The following MAP4 variants were observed in gnomAD, a reference collection of about 807,000 sequenced individuals.
MAP4 encodes the protein microtubule associated protein 4.
A neutral mutation model predicts 170.2 loss-of-function variants in MAP4; 76 were observed. That is an observed-to-expected ratio of 0.45 (90% confidence interval 0.37 to 0.54). MAP4 has a LOEUF of 0.54. Ranked by LOEUF, MAP4 falls within the 20% of genes least tolerant of loss-of-function variation. MAP4 has a pLI of 0.00. For missense variants in MAP4, 2,506 were observed against 2,748.0 expected, an observed-to-expected ratio of 0.91 and a Z score of 1.97; for synonymous variants, 909 against 994.5, an observed-to-expected ratio of 0.91 and a Z score of 1.62.
At chr3:48,086,683 G>A (rs1420622058) in intron 1 of MAP4, among the ~76,000 whole-genome samples, 1 of 152,156 alleles carries the variant, frequency 6.6e-6, no homozygotes, top group African/African-American at 2.4e-5. Flanking sequence ...TACCCACTAA[G>A]AATATCTAGT....
intron 1 of MAP4, among the ~76,000 whole-genome samples, chr3:48,075,424 C>T (rs1225743482): frequency 6.6e-6 from 1 of 151,918 alleles, no homozygotes; most frequent in Non-Finnish European, 1.5e-5. Context: ...ACTCAAGACG[C>T]AGAGGCAGGA....
chr3:47,933,192 A>G (rs1343066611), intron 3 of MAP4, among the ~76,000 whole-genome samples: 2 of 152,194 alleles, frequency 1.3e-5, no homozygotes, highest in African/African-American at 4.8e-5. Flanking sequence ...ATACAGAACT[A>G]TAACAGGAAG....
intron 10 of MAP4, among the ~76,000 whole-genome samples, chr3:47,887,473 A>G (rs1269722102): frequency 2.0e-5 from 3 of 152,188 alleles, no homozygotes; most frequent in Non-Finnish European, 2.9e-5. Context: ...GCAGCCCGCC[A>G]TGCCTCAGCC....
At chr3:48,027,791 T>C (rs2100113895) in intron 1 of MAP4, among the ~76,000 whole-genome samples, 1 of 152,158 alleles carries the variant, frequency 6.6e-6, no homozygotes, top group Admixed American at 6.5e-5. Flanking sequence ...TGAGCCATGA[T>C]TGCGGAACTG....
intron 2 of MAP4, among the ~76,000 whole-genome samples, chr3:47,988,333 G>C (rs1464680183): frequency 6.6e-6 from 1 of 151,972 alleles, no homozygotes; most frequent in East Asian, 1.9e-4. Context: ...AAGAACTGAT[G>C]ATGCAGGAGA....
chr3:47,881,448 A>ATATATATATGTATG (rs2096707371), intron 10 of MAP4, among the ~76,000 whole-genome samples: 1 of 10,222 alleles, frequency 9.8e-5, no homozygotes, highest in Non-Finnish European at 1.8e-4. Flanking sequence ...AAAAACAACT[A>ATATATATATGTATG]TATATATATA....
At chr3:47,917,907 G>C (rs563356469) in intron 6 of MAP4, among the ~76,000 whole-genome samples, 1 of 152,152 alleles carries the variant, frequency 6.6e-6, no homozygotes, top group Non-Finnish European at 1.5e-5. Context: ...GAGTGCAGTA[G>C]CATGATCTCG....
chr3:47,862,022 G>A (rs1425720029), intron 17 of MAP4, among the ~76,000 whole-genome samples: 1 of 150,564 alleles, frequency 6.6e-6, no homozygotes, highest in Non-Finnish European at 1.5e-5. Context: ...TTAGCCGGGC[G>A]TGGCGGCGGG....
At chr3:48,017,308 T>C (rs1332958788), upstream of MAP4, among the ~76,000 whole-genome samples, 1 of 152,098 alleles carries the variant, frequency 6.6e-6, no homozygotes, top group Non-Finnish European at 1.5e-5. Flanking sequence ...TTCGCTGTAC[T>C]TCATATACCT....
chr3:47,861,859 A>AAAAAC lies in MAP4; in HGVS notation c.6502-4352_6502-4348dup, dbSNP rs538971836. ...GGGCCACAGAGTGAGACTTTGTCTC[A>AAAAAC]AAAACAAAACAAAACAAAACAAAAA... On this transcript the variant is annotated intron_variant, in intron 17 of 20. Transcript: ENST00000683076. 1.8e-3 allele frequency among the ~76,000 whole-genome samples: 254 copies of AAAAAC among 143,992 alleles called. 1 individual carries two copies. Among genetic ancestry groups the AAAAAC allele is most frequent in the African/African-American group, 2.9e-3 (111 of 38,684 alleles). 94.5% of individuals were successfully genotyped at this position (143,992 alleles called of 152,430 possible).
At chr3:47,939,999 G>A (rs1484532009) in intron 3 of MAP4, among the ~76,000 whole-genome samples, 1 of 151,920 alleles carries the variant, frequency 6.6e-6, no homozygotes, top group Non-Finnish European at 1.5e-5. Flanking sequence ...CACCATGCCT[G>A]GCTAATTTTT....
At chr3:47,860,091 C>A (rs1360236757) in intron 17 of MAP4, among the ~76,000 whole-genome samples, 1 of 152,220 alleles carries the variant, frequency 6.6e-6, no homozygotes, top group Non-Finnish European at 1.5e-5. Context: ...ACCAACCCAA[C>A]ATGGGTCTTC....
At chr3:47,858,658 C>A (rs899999263) in intron 17 of MAP4, among the ~76,000 whole-genome samples, 1 of 146,144 alleles carries the variant, frequency 6.8e-6, no homozygotes, top group South Asian at 2.2e-4. Context: ...TCATAGTATT[C>A]CTGCTTAATC....
At chr3:47,861,472 CT>C (rs1333615155) in intron 17 of MAP4, among the ~76,000 whole-genome samples, 1 of 151,480 alleles carries the variant, frequency 6.6e-6, no homozygotes, top group Non-Finnish European at 1.5e-5. Flanking sequence ...CCTGCCTCAG[CT>C]TTCCAAGTAG....
At chr3:48,039,836 A>C (rs749677850) in intron 1 of MAP4, among the ~76,000 whole-genome samples, 1 of 152,252 alleles carries the variant, frequency 6.6e-6, no homozygotes, top group Non-Finnish European at 1.5e-5. Flanking sequence ...TCCTGCTAAC[A>C]GACTGGTTTT....
rs184017147 is a variant in MAP4, at chr3:48,076,684, G to A, written c.-20+12089C>T. 3.8e-3 allele frequency among the ~76,000 whole-genome samples: 580 copies of A among 151,844 alleles called. 6 individuals carry two copies. The highest frequency in any genetic ancestry group is 6.8e-3 in the Middle Eastern group (2 of 294). On this transcript the variant is annotated intron_variant, in intron 1 of 18. Coordinates refer to the MAP4 transcript ENST00000360240. The stretch of plus-strand genomic sequence containing the variant: ...AAAGACAGAGACCCTGTCTCGGAAA[G>A]AAGAAAGAACGAACGAACGAAAGAA...
intron 10 of MAP4, among the ~76,000 whole-genome samples, chr3:47,897,781 A>AT (rs1320657110): frequency 5.0e-4 from 76 of 151,828 alleles, no homozygotes; most frequent in Non-Finnish European, 4.4e-5. Flanking sequence ...CACTAAAAAA[A>AT]GATACAAAAA....
chr3:48,036,387 G>A (rs2100118728), intron 1 of MAP4, among the ~76,000 whole-genome samples: 1 of 152,164 alleles, frequency 6.6e-6, no homozygotes, highest in African/African-American at 2.4e-5. Context: ...AATGTAACAC[G>A]TGAAACTGCC....
chr3:47,880,615 G>A (rs2096562565), intron 10 of MAP4, among the ~76,000 whole-genome samples: 1 of 151,860 alleles, frequency 6.6e-6, no homozygotes, highest in African/African-American at 2.4e-5. Flanking sequence ...ACTGGTACGT[G>A]CCACCATACC....
Sources: gnomAD v4.1 joint callset for allele counts (sites outside exome capture counted in the v4.1 genomes callset) on GRCh38, gnomAD v4.1.1 for gene constraint, MANE v1.5 for transcripts, NCBI Gene and HGNC (gene_info 2026-07-23, HGNC 2026-07-21) for gene names.